SGCD: variants seen among roughly 807,000 people sequenced by gnomAD.
SGCD encodes sarcoglycan delta.
Under a neutral mutation model 36.6 loss-of-function variants are expected in SGCD, and 18 were observed. The ratio of observed to expected loss-of-function variants is 0.49; its 90% confidence interval spans 0.34 to 0.73. SGCD has a LOEUF of 0.73. Ranked by LOEUF, SGCD falls within the 30% of genes least tolerant of loss-of-function variation. The pLI is 0.01. For missense variants in SGCD, 387 were observed against 346.7 expected (o/e 1.12, Z -0.92); for synonymous variants, 133 against 130.6 (o/e 1.02, Z -0.12).
chr5:156,052,682 T>G (rs556079041), intron 1 of SGCD, among the ~76,000 whole-genome samples: 1 of 145,990 alleles, frequency 6.8e-6, no homozygotes, highest in Admixed American at 6.8e-5. Context: ...TGAAACACAG[T>G]GCAAAATGCA....
chr5:156,262,035 CAGTA>C (rs1459545740), intron 3 of SGCD, among the ~76,000 whole-genome samples: 1 of 152,098 alleles, frequency 6.6e-6, no homozygotes, highest in Non-Finnish European at 1.5e-5. Flanking sequence ...TAAAAATTGA[CAGTA>C]AGCTAAGTTT....
intron 1 of SGCD, among the ~76,000 whole-genome samples, chr5:156,051,608 A>G (rs1759917409): frequency 6.8e-6 from 1 of 146,390 alleles, no homozygotes; most frequent in Non-Finnish European, 1.5e-5. Context: ...TGAGAACCCA[A>G]TATAGGTTGA....
the SGCD span, among the ~76,000 whole-genome samples, chr5:155,790,106 C>T: frequency 6.6e-5 from 10 of 151,848 alleles, no homozygotes; most frequent in Non-Finnish European, 1.3e-4. Context: ...GAAACAAACC[C>T]GTACAATTCA....
chr5:156,306,354 C>T (rs1286203834), intron 3 of SGCD, among the ~76,000 whole-genome samples: 1 of 152,196 alleles, frequency 6.6e-6, no homozygotes, highest in Non-Finnish European at 1.5e-5. Flanking sequence ...CAAGCTCTCT[C>T]TTTGCTTGTT....
chr5:156,619,015 G>A (rs911964256), intron 6 of SGCD, among the ~76,000 whole-genome samples: 1 of 149,784 alleles, frequency 6.7e-6, no homozygotes, highest in East Asian at 1.9e-4. Context: ...TTTGAAGAGA[G>A]CCAATTCCTT....
At chr5:156,735,308 T>A (rs960636476) in intron 7 of SGCD, among the ~76,000 whole-genome samples, 1 of 152,158 alleles carries the variant, frequency 6.6e-6, no homozygotes, top group African/African-American at 2.4e-5. Context: ...CGCAGTCAGC[T>A]TGGACTCTCC....
At position 156,653,585 on chromosome 5, in the gene SGCD, T is replaced by C. The variant is rs1021109681; in HGVS notation, c.575+6049T>C. Among the ~76,000 whole-genome samples, 26 of 149,442 alleles carry C rather than the reference T, an allele frequency of 1.7e-4. 1 individual carries two copies. The highest frequency in any genetic ancestry group is 2.0e-4 in the East Asian group (1 of 4,882). The stretch of plus-strand genomic sequence containing the variant: ...GTCATAATCTACCTCCTTCATCCTT[T>C]TGAAATTTTTTAAAATGGTGTTTTA... On this transcript the variant is annotated intron_variant, in intron 7 of 8. Coordinates refer to ENST00000337851, the MANE Select transcript of SGCD (RefSeq NM_000337.6).
At position 156,423,217 on chromosome 5, in the gene SGCD, A is replaced by ATATTATATTATAT. The variant is rs1773436237; in HGVS notation, c.192+78543_192+78544insTATATTATATTAT. Among the ~76,000 whole-genome samples the ATATTATATTATAT allele has an allele frequency of 5.0e-5, 5 of 99,340 alleles. 1 individual carries two copies. The highest frequency in any genetic ancestry group is 2.2e-4 in the African/African-American group (5 of 22,402). The allele number at this position is 99,340 out of a possible 152,430, so 65.2% of individuals were successfully genotyped here. ...TAATATTATATTTTATTATAATATA[A>ATATTATATTATAT]TATAATATATTGTATTATATTATAT... On this transcript the variant is annotated intron_variant, in intron 3 of 8. Transcript: ENST00000337851.
chr5:156,175,948 CT>C (rs59891264), intron 3 of SGCD, among the ~76,000 whole-genome samples: 56 of 148,158 alleles, frequency 3.8e-4, no homozygotes, highest in South Asian at 8.5e-4. Context: ...TTCTGTGGAT[CT>C]TTTTTTTTTT....
intron 1 of SGCD, among the ~76,000 whole-genome samples, chr5:155,885,939 C>A (rs940921023): frequency 2.0e-5 from 3 of 152,166 alleles, no homozygotes; most frequent in African/African-American, 7.2e-5. Context: ...GACTGAATAA[C>A]GTAAACTAGT....
intron 6 of SGCD, among the ~76,000 whole-genome samples, chr5:156,609,918 G>T (rs1415271981): frequency 6.6e-6 from 1 of 152,100 alleles, no homozygotes; most frequent in African/African-American, 2.4e-5. Context: ...GGACTTCTCT[G>T]CATTGGTTAT....
At chr5:155,822,733 G>A in the SGCD span, among the ~76,000 whole-genome samples, 1 of 152,190 alleles carries the variant, frequency 6.6e-6, no homozygotes, top group African/African-American at 2.4e-5. Context: ...ATAATATAAG[G>A]AAAAGCATCG....
intron 6 of SGCD, among the ~76,000 whole-genome samples, chr5:156,631,571 G>A (rs1302042268): frequency 6.6e-6 from 1 of 150,788 alleles, no homozygotes; most frequent in Non-Finnish European, 1.5e-5. Context: ...TGTTTGTAGG[G>A]ATAGAGGAAA....
chr5:156,644,144 C>T (rs188287889), intron 6 of SGCD, among the ~76,000 whole-genome samples: 99 of 152,214 alleles, frequency 6.5e-4, no homozygotes, highest in Non-Finnish European at 1.1e-3. Flanking sequence ...GAAATTCTTA[C>T]TTTTGAGATC....
intron 3 of SGCD, among the ~76,000 whole-genome samples, chr5:156,315,265 AT>A (rs71577194): frequency 1.0e-4 from 15 of 148,384 alleles, no homozygotes; most frequent in East Asian, 2.0e-4. Flanking sequence ...TTTGAGTCTG[AT>A]TTTTTTTTTT....
chr5:156,155,253 A>G (rs569609675), intron 3 of SGCD, among the ~76,000 whole-genome samples: 3 of 151,410 alleles, frequency 2.0e-5, no homozygotes, highest in South Asian at 2.1e-4. Flanking sequence ...ATGGTCATAG[A>G]TATTAGACTT....
intron 7 of SGCD, among the ~76,000 whole-genome samples, chr5:156,702,453 A>T (rs1230152548): frequency 6.6e-6 from 1 of 152,144 alleles, no homozygotes; most frequent in East Asian, 1.9e-4. Context: ...TTTCCTCCCA[A>T]GCCATCCTCA....
At chr5:156,407,241 C>G (rs1273377911) in intron 3 of SGCD, among the ~76,000 whole-genome samples, 2 of 152,168 alleles carry the variant, frequency 1.3e-5, no homozygotes, top group African/African-American at 4.8e-5. Context: ...AGCCATCACA[C>G]CTGCCTAAAT....
At chr5:155,733,270 CCTCATTCTG>C in the SGCD span, among the ~76,000 whole-genome samples, 1 of 152,124 alleles carries the variant, frequency 6.6e-6, no homozygotes. Context: ...TAGATCAGTG[CCTCATTCTG>C]CAAGTAAAAA....
Sources: allele counts gnomAD v4.1 joint callset (sites outside exome capture counted in the v4.1 genomes callset), GRCh38; gene constraint gnomAD v4.1.1; transcripts MANE v1.5; gene names NCBI Gene and HGNC (gene_info 2026-07-23, HGNC 2026-07-21).